The following GLRA3 variants were observed in gnomAD, a reference collection of about 807,000 sequenced individuals.
The protein encoded by GLRA3 is glycine receptor subunit alpha-3.
Under a neutral mutation model 60.4 loss-of-function variants are expected in GLRA3, and 44 were observed. The ratio of observed to expected loss-of-function variants is 0.73; its 90% confidence interval spans 0.57 to 0.94. The LOEUF (loss-of-function observed/expected upper bound fraction) is 0.94. GLRA3 is among the 40% of genes least tolerant of loss of function. The pLI, the probability that GLRA3 is intolerant of heterozygous loss-of-function variation, is 0.00. For synonymous variants in GLRA3, 223 were observed against 192.9 expected (o/e 1.16, Z -1.29); for missense variants, 508 against 564.6 (o/e 0.90, Z 1.02).
At chr4:174,819,123 A>G (rs17060916) in intron 1 of GLRA3, among the ~76,000 whole-genome samples, 2,241 of 152,304 alleles carry the variant, frequency 0.015, 58 homozygotes, top group African/African-American at 0.052. Context: ...GATAAGTAGA[A>G]CAAACTGATT....
intron 5 of GLRA3, among the ~76,000 whole-genome samples, chr4:174,700,864 A>G (rs1202722083): frequency 6.6e-6 from 1 of 152,194 alleles, no homozygotes; most frequent in African/African-American, 2.4e-5. Context: ...ATGAAATCTG[A>G]GAGAGGTGAA....
rs1732676600 is a variant in GLRA3, at chr4:174,643,147, C to T, written c.*639G>A. ...GTAGATTGTGACTGTAACACGATCT[C>T]TTGTTATTTGTTTTAAATTTGCACA... On this transcript the variant is annotated 3_prime_UTR_variant, in exon 10 of 10. Coordinates refer to ENST00000274093, the MANE Select transcript of GLRA3 (RefSeq NM_006529.4). 1.1e-6 allele frequency: 1 copy of T among 871,190 alleles called. No homozygotes were observed. The highest frequency in any genetic ancestry group is 1.4e-6 in the Non-Finnish European group (1 of 726,900). The allele number at this position is 871,190 out of a possible 1,614,324, so 54.0% of individuals were successfully genotyped here.
chr4:174,659,613 AAT>A (rs1024851820), intron 7 of GLRA3, among the ~76,000 whole-genome samples: 1 of 151,338 alleles, frequency 6.6e-6, no homozygotes, highest in African/African-American at 2.4e-5. Context: ...ATTTATAAAT[AAT>A]ATATGGTTAT....
intron 3 of GLRA3, among the ~76,000 whole-genome samples, chr4:174,734,656 A>G (rs1736699313): frequency 1.3e-5 from 2 of 152,224 alleles, no homozygotes; most frequent in East Asian, 1.9e-4. Context: ...GAAACATGCA[A>G]TTAAGAGGGA....
intron 7 of GLRA3, among the ~76,000 whole-genome samples, chr4:174,673,399 C>T (rs892411413): frequency 6.6e-6 from 1 of 152,118 alleles, no homozygotes; most frequent in Non-Finnish European, 1.5e-5. Context: ...ACTATCTCCT[C>T]TTTCAACCCT....
At position 174,640,457 on chromosome 4, in the gene GLRA3, G is replaced by A. The variant is rs1732599233; in HGVS notation, c.*3329C>T. 6.6e-6 allele frequency: 1 copy of A among 152,030 alleles called. No individual in the cohort carries two copies. Among genetic ancestry groups the A allele is most frequent in the African/African-American group, 2.4e-5 (1 of 41,394 alleles). The allele number at this position is 152,030 out of a possible 1,614,324, so 9.4% of individuals were successfully genotyped here. Reference sequence around the variant, plus strand: ...AGTCCTCCCAAGTAACCAGCAGGTTGAAGTATGTTGTGTTGAGAAAAATAG... The same window carrying A: ...AGTCCTCCCAAGTAACCAGCAGGTTAAAGTATGTTGTGTTGAGAAAAATAG... On this transcript the variant is annotated 3_prime_UTR_variant, in exon 10 of 10. Coordinates refer to ENST00000274093, the MANE Select transcript of GLRA3 (RefSeq NM_006529.4).
chr4:174,645,304 C>T (rs1003473947), intron 9 of GLRA3, among the ~76,000 whole-genome samples: 2 of 150,252 alleles, frequency 1.3e-5, no homozygotes, highest in South Asian at 2.1e-4. Flanking sequence ...CCCAGCTACT[C>T]GGGAGGCTGA....
At chr4:174,729,662 AT>A (rs1554016471) in intron 3 of GLRA3, among the ~76,000 whole-genome samples, 1 of 152,212 alleles carries the variant, frequency 6.6e-6, no homozygotes, top group Non-Finnish European at 1.5e-5. Context: ...AATAAGTACC[AT>A]ATATGTCTTT....
chr4:174,642,265 A>G lies in GLRA3; in HGVS notation c.*1521T>C. 2.1e-6 allele frequency: 2 copies of G among 937,840 alleles called. No individual in the cohort carries two copies. Among genetic ancestry groups the G allele is most frequent in the African/African-American group, 3.6e-5 (2 of 56,332 alleles). The allele number at this position is 937,840 out of a possible 1,614,324, so 58.1% of individuals were successfully genotyped here. On this transcript the variant is annotated 3_prime_UTR_variant, in exon 10 of 10. Coordinates refer to ENST00000274093, the MANE Select transcript of GLRA3 (RefSeq NM_006529.4). ...TTTGCTTTTAATTTGAAAGTGGTTGAAGGGTAGAAAATAGCATCTTGTTAA... is the reference window on the plus strand; with the variant it reads ...TTTGCTTTTAATTTGAAAGTGGTTGGAGGGTAGAAAATAGCATCTTGTTAA...
intron 8 of GLRA3, among the ~76,000 whole-genome samples, chr4:174,657,008 C>T (rs1172131212): frequency 1.3e-5 from 2 of 152,086 alleles, no homozygotes; most frequent in East Asian, 1.9e-4. Flanking sequence ...TGTTTAATTA[C>T]ATTTGCTCCC....
intron 4 of GLRA3, among the ~76,000 whole-genome samples, chr4:174,719,355 T>G (rs1736054841): frequency 6.6e-6 from 1 of 152,208 alleles, no homozygotes; most frequent in Non-Finnish European, 1.5e-5. Flanking sequence ...CATTTTAAAT[T>G]ATGTATTTCT....
intron 7 of GLRA3, among the ~76,000 whole-genome samples, chr4:174,662,302 T>C (rs995388873): frequency 6.6e-6 from 1 of 152,188 alleles, no homozygotes; most frequent in Non-Finnish European, 1.5e-5. Flanking sequence ...AGGTAAGATG[T>C]TTTTCCATCT....
chr4:174,670,171 G>A (rs1361460629), intron 7 of GLRA3, among the ~76,000 whole-genome samples: 1 of 151,978 alleles, frequency 6.6e-6, no homozygotes, highest in South Asian at 2.1e-4. Flanking sequence ...TAGACTTCCT[G>A]GCATTTCTTA....
chr4:174,735,748 G>C (rs1010701813), intron 3 of GLRA3, among the ~76,000 whole-genome samples: 1 of 152,054 alleles, frequency 6.6e-6, no homozygotes, highest in Non-Finnish European at 1.5e-5. Context: ...TTTTAGCAGA[G>C]ATGGGGTTCC....
chr4:174,720,956 C>T (rs1736104899), intron 4 of GLRA3, among the ~76,000 whole-genome samples: 1 of 151,676 alleles, frequency 6.6e-6, no homozygotes, highest in Non-Finnish European at 1.5e-5. Flanking sequence ...TAAGGATGGG[C>T]AGGGCAAAAG....
At chr4:174,714,821 G>A (rs561406649) in intron 5 of GLRA3, among the ~76,000 whole-genome samples, 2 of 152,226 alleles carry the variant, frequency 1.3e-5, no homozygotes, top group African/African-American at 4.8e-5. Flanking sequence ...GGTAGGATGT[G>A]AAATGTTCAT....
At chr4:174,723,887 AAAC>A (rs1736219758) in intron 4 of GLRA3, among the ~76,000 whole-genome samples, 1 of 151,990 alleles carries the variant, frequency 6.6e-6, no homozygotes, top group Non-Finnish European at 1.5e-5. Context: ...TGAAAAATTC[AAAC>A]AATATAAAAT....
intron 1 of GLRA3, among the ~76,000 whole-genome samples, chr4:174,801,922 G>T (rs1739827507): frequency 6.6e-6 from 1 of 151,878 alleles, no homozygotes; most frequent in Non-Finnish European, 1.5e-5. Flanking sequence ...TGCCTCCTTT[G>T]TAGGGTCTAC....
At chr4:174,691,081 C>G (rs539456151) in intron 5 of GLRA3, among the ~76,000 whole-genome samples, 49 of 152,268 alleles carry the variant, frequency 3.2e-4, no homozygotes, top group Non-Finnish European at 5.7e-4. Flanking sequence ...TTAGCTCCTT[C>G]AGGAATGGCC....
Sources: gnomAD v4.1 joint callset for allele counts (sites outside exome capture counted in the v4.1 genomes callset) on GRCh38, gnomAD v4.1.1 for gene constraint, MANE v1.5 for transcripts, NCBI Gene and HGNC (gene_info 2026-07-23, HGNC 2026-07-21) for gene names.